The following DNER variants were observed in gnomAD, a reference collection of about 807,000 sequenced individuals.
DNER encodes the protein delta and Notch-like epidermal growth factor-related receptor.
DNER carries 33 observed loss-of-function variants against 78.2 expected under a neutral mutation model. The observed-to-expected ratio is 0.42, with a 90% CI of 0.32 to 0.56. DNER has a LOEUF of 0.56. Among genes scored for constraint, DNER ranks in the 20% least tolerant of loss-of-function variants. DNER has a pLI of 0.11. For missense variants in DNER, 918 were observed against 975.3 expected, an observed-to-expected ratio of 0.94 and a Z score of 0.78; for synonymous variants, 417 against 384.8, an observed-to-expected ratio of 1.08 and a Z score of -0.98.
intron 1 of DNER, among the ~76,000 whole-genome samples, chr2:229,611,194 AT>A (rs1268336126): frequency 3.3e-5 from 5 of 152,316 alleles, no homozygotes; most frequent in South Asian, 4.1e-4. Context: ...AAGTAAATGT[AT>A]TTTTTTCTTT....
At chr2:229,435,108 G>C (rs868312214) in intron 8 of DNER, among the ~76,000 whole-genome samples, 7 of 152,036 alleles carry the variant, frequency 4.6e-5, no homozygotes, top group African/African-American at 1.7e-4. Context: ...CATGCCACTG[G>C]GACATTGGCA....
At chr2:229,504,448 G>A (rs1695693663) in intron 6 of DNER, among the ~76,000 whole-genome samples, 1 of 152,116 alleles carries the variant, frequency 6.6e-6, no homozygotes, top group African/African-American at 2.4e-5. Context: ...TCAAACTCCT[G>A]ACCTCAGGTG....
chr2:229,419,783 C>T (rs956133983), intron 8 of DNER, among the ~76,000 whole-genome samples: 1 of 151,654 alleles, frequency 6.6e-6, no homozygotes, highest in Non-Finnish European at 1.5e-5. Flanking sequence ...TTCTATTACC[C>T]TTCATTAGAT....
At chr2:229,578,772 T>G (rs1697345317) in intron 4 of DNER, among the ~76,000 whole-genome samples, 1 of 152,168 alleles carries the variant, frequency 6.6e-6, no homozygotes, top group South Asian at 2.1e-4. Context: ...AGGACAAGGC[T>G]TATAGGAATA....
At chr2:229,632,328 C>G (rs1260729192) in intron 1 of DNER, among the ~76,000 whole-genome samples, 4 of 152,162 alleles carry the variant, frequency 2.6e-5, no homozygotes, top group Non-Finnish European at 5.9e-5. Flanking sequence ...CTGACACATT[C>G]AATCTAAAGC....
chr2:229,609,044 G>A (rs1214841711), intron 1 of DNER, among the ~76,000 whole-genome samples: 1 of 152,072 alleles, frequency 6.6e-6, no homozygotes, highest in Non-Finnish European at 1.5e-5. Context: ...CCAACATGGT[G>A]AAACCCCATC....
intron 5 of DNER, among the ~76,000 whole-genome samples, chr2:229,535,924 G>T (rs530256475): frequency 6.6e-6 from 1 of 152,130 alleles, no homozygotes; most frequent in East Asian, 1.9e-4. Flanking sequence ...GATTACAGGC[G>T]TGAGCCACCA....
chr2:229,452,784 C>T (rs556545715), intron 7 of DNER, among the ~76,000 whole-genome samples: 22 of 152,214 alleles, frequency 1.4e-4, no homozygotes, highest in African/African-American at 4.3e-4. Flanking sequence ...CTTGCCACCA[C>T]GCCCAGCTAA....
chr2:229,437,610 A>G (rs2106358032), intron 8 of DNER, among the ~76,000 whole-genome samples: 1 of 152,324 alleles, frequency 6.6e-6, no homozygotes, highest in East Asian at 1.9e-4. Context: ...ATCACCTATA[A>G]TGGCACATTG....
chr2:229,486,575 C>G (rs1320469668), intron 6 of DNER, among the ~76,000 whole-genome samples: 1 of 152,118 alleles, frequency 6.6e-6, no homozygotes, highest in African/African-American at 2.4e-5. Flanking sequence ...TCATTTCCCT[C>G]ATGGAGGAAT....
intron 4 of DNER, among the ~76,000 whole-genome samples, chr2:229,584,401 G>A (rs918560272): frequency 3.3e-5 from 5 of 152,180 alleles, no homozygotes; most frequent in African/African-American, 1.2e-4. Context: ...TTGAGCTCAG[G>A]CCTTTGAATT....
At chr2:229,406,252 A>G (rs1693379236) in intron 10 of DNER, among the ~76,000 whole-genome samples, 1 of 152,074 alleles carries the variant, frequency 6.6e-6, no homozygotes, top group Non-Finnish European at 1.5e-5. Flanking sequence ...CAATGATAAC[A>G]TATGTTTTTC....
At chr2:229,369,286 G>C (rs1280627389) in intron 11 of DNER, among the ~76,000 whole-genome samples, 1 of 150,170 alleles carries the variant, frequency 6.7e-6, no homozygotes, top group Non-Finnish European at 1.5e-5. Context: ...TTAAAAAAAA[G>C]TTTTAACTTT....
Position 229,644,983 on chromosome 2 carries a change from G to A in DNER, c.277-53095C>T, listed in dbSNP as rs566768882. 1.9e-3 allele frequency among the ~76,000 whole-genome samples: 287 copies of A among 151,978 alleles called. 3 individuals carry two copies. Among genetic ancestry groups the A allele is most frequent in the African/African-American group, 6.6e-3 (274 of 41,416 alleles). ...GATGGCACTAGTCCATTGAATCCAAGTTGAAGAAGCCATGGCATTAGTGCC... is the reference window on the plus strand; with the variant it reads ...GATGGCACTAGTCCATTGAATCCAAATTGAAGAAGCCATGGCATTAGTGCC... On this transcript the variant is annotated intron_variant, in intron 1 of 12. Transcript: ENST00000341772.
At chr2:229,392,666 T>C (rs1020684056) in intron 10 of DNER, among the ~76,000 whole-genome samples, 1 of 152,150 alleles carries the variant, frequency 6.6e-6, no homozygotes, top group Admixed American at 6.5e-5. Flanking sequence ...AACTATTTAA[T>C]GGATTACCCA....
chr2:229,579,219 C>G (rs968118570), intron 4 of DNER, among the ~76,000 whole-genome samples: 2 of 152,136 alleles, frequency 1.3e-5, no homozygotes, highest in African/African-American at 4.8e-5. Flanking sequence ...GCTTCTTCAT[C>G]TGAATCCCAT....
chr2:229,387,008 T>TAA (rs1165345680), intron 11 of DNER, among the ~76,000 whole-genome samples: 1 of 152,160 alleles, frequency 6.6e-6, no homozygotes, highest in African/African-American at 2.4e-5. Context: ...ATCATTCTAC[T>TAA]ATAAAGACAC....
chr2:229,497,890 A>G (rs1695532233), intron 6 of DNER, among the ~76,000 whole-genome samples: 1 of 152,166 alleles, frequency 6.6e-6, no homozygotes, highest in Non-Finnish European at 1.5e-5. Context: ...ACATTTAAAG[A>G]GCTAATACCA....
intron 5 of DNER, among the ~76,000 whole-genome samples, chr2:229,518,953 C>CTTTTT: frequency 6.9e-6 from 1 of 145,342 alleles, no homozygotes; most frequent in Non-Finnish European, 1.5e-5. Context: ...TGCGATTACT[C>CTTTTT]TTTTTTTTTT....
Sources: gnomAD v4.1 joint callset for allele counts (sites outside exome capture counted in the v4.1 genomes callset) on GRCh38, gnomAD v4.1.1 for gene constraint, MANE v1.5 for transcripts, NCBI Gene and HGNC (gene_info 2026-07-23, HGNC 2026-07-21) for gene names.